Variants in TBC1D5 observed in about 807,000 individuals in gnomAD.
The protein encoded by TBC1D5 is TBC1 domain family member 5.
Under a neutral mutation model 100.3 loss-of-function variants are expected in TBC1D5, and 75 were observed. That is an observed-to-expected ratio of 0.75 (90% CI 0.62 to 0.91). The LOEUF (loss-of-function observed/expected upper bound fraction) is 0.91, where lower values mean the gene tolerates loss of function less well. TBC1D5 is among the 40% of genes least tolerant of loss of function. The probability of loss-of-function intolerance (pLI) is 0.00; values close to 1 mark genes in which losing one functional copy is unlikely to be tolerated. For missense variants in TBC1D5, 910 were observed against 942.4 expected (o/e 0.97, Z 0.45); for synonymous variants, 323 against 325.6 (o/e 0.99, Z 0.09).
At chr3:17,176,408 G>T (rs2067734794) in intron 19 of TBC1D5, among the ~76,000 whole-genome samples, 1 of 152,202 alleles carries the variant, frequency 6.6e-6, no homozygotes, top group Non-Finnish European at 1.5e-5. Flanking sequence ...GGGAAGGCTG[G>T]TAAGTTGGTA....
chr3:17,294,422 CTA>C (rs1001336563), intron 14 of TBC1D5, among the ~76,000 whole-genome samples: 3 of 152,082 alleles, frequency 2.0e-5, no homozygotes, highest in African/African-American at 4.8e-5. Flanking sequence ...CAAGCTCTTG[CTA>C]TGTTGCCAGG....
At chr3:17,248,710 A>C (rs981141250) in intron 16 of TBC1D5, among the ~76,000 whole-genome samples, 2 of 152,102 alleles carry the variant, frequency 1.3e-5, no homozygotes, top group African/African-American at 2.4e-5. Context: ...TTTTCTGAAC[A>C]GTAGGTCTCA....
At chr3:17,165,584 T>C (rs2066516543) in intron 21 of TBC1D5, among the ~76,000 whole-genome samples, 2 of 152,184 alleles carry the variant, frequency 1.3e-5, no homozygotes. Context: ...CCATGGAGTC[T>C]CTCTTCTGGA....
intron 2 of TBC1D5, among the ~76,000 whole-genome samples, chr3:17,549,178 G>A (rs920441012): frequency 6.6e-6 from 1 of 152,132 alleles, no homozygotes; most frequent in Non-Finnish European, 1.5e-5. Flanking sequence ...GCGCATGCCT[G>A]TAATCCCAGT....
At chr3:17,351,541 G>A (rs1168035450) in intron 13 of TBC1D5, among the ~76,000 whole-genome samples, 4 of 152,016 alleles carry the variant, frequency 2.6e-5, no homozygotes, top group Non-Finnish European at 5.9e-5. Context: ...AGAATATATG[G>A]GCACAGGGAG....
chr3:17,357,461 A>C (rs1475720876), intron 13 of TBC1D5, among the ~76,000 whole-genome samples: 2 of 152,210 alleles, frequency 1.3e-5, no homozygotes, highest in Admixed American at 1.3e-4. Context: ...AGGATTTGGC[A>C]CTGTTGTCAT....
intron 1 of TBC1D5, among the ~76,000 whole-genome samples, chr3:17,660,233 G>A (rs2066502786): frequency 6.6e-6 from 1 of 152,094 alleles, no homozygotes. Flanking sequence ...TAATAAAAAT[G>A]CAAAAAGAGA....
At chr3:17,540,932 A>AAT (rs2096348033) in intron 2 of TBC1D5, among the ~76,000 whole-genome samples, 1 of 146,218 alleles carries the variant, frequency 6.8e-6, no homozygotes, top group African/African-American at 2.5e-5. Context: ...AAAAAAAAAA[A>AAT]GTAAGAAAAG....
At position 17,543,870 on chromosome 3, in the gene TBC1D5, T is replaced by G. The variant is rs979343178; in HGVS notation, c.-35-35265A>C. On this transcript the variant is annotated intron_variant, in intron 2 of 21. Coordinates refer to ENST00000253692, the Ensembl canonical transcript of TBC1D5. ...ATGGGGCCTGAAAAGTTGTTTGTTT[T>G]TTTTTTCTTTTTTTTTGAGACAGAG... Among the ~76,000 whole-genome samples, 37 of 151,734 alleles carry G rather than the reference T, an allele frequency of 2.4e-4. No individual in the cohort carries two copies. The East Asian group carries it at 6.2e-3, about 26-fold the overall frequency.
chr3:17,233,626 G>A, intron 17 of TBC1D5, 59 bp downstream of exon 18: 1 of 985,014 alleles, frequency 1.0e-6, no homozygotes, highest in Non-Finnish European at 1.5e-6. Context: ...TTTTGGAGTA[G>A]GCAATGATAA....
At chr3:17,532,992 T>TAA (rs530910585) in intron 2 of TBC1D5, among the ~76,000 whole-genome samples, 8,889 of 140,822 alleles carry the variant, frequency 0.063, 552 homozygotes, top group African/African-American at 0.17. Flanking sequence ...ATAATAAAAT[T>TAA]AAAAAAAAAA....
At chr3:17,233,865 AAAG>A in intron 17 of TBC1D5, 115 bp from the exon 18 acceptor site, 1 of 556,722 alleles carries the variant, frequency 1.8e-6, no homozygotes, top group Non-Finnish European at 3.1e-6. Context: ...ATATAGTACA[AAAG>A]AAAATAATGC....
chr3:17,452,993 C>A (rs1453134399), intron 3 of TBC1D5, among the ~76,000 whole-genome samples: 1 of 147,120 alleles, frequency 6.8e-6, no homozygotes, highest in Non-Finnish European at 1.5e-5. Context: ...AACTACAAAT[C>A]AATAACAAGA....
intron 4 of TBC1D5, among the ~76,000 whole-genome samples, chr3:17,407,560 T>C (rs116496740): frequency 0.029 from 4,469 of 152,246 alleles, 219 homozygotes; most frequent in African/African-American, 0.1. Flanking sequence ...CAGTTGTCAC[T>C]GGCCAGACCC....
intron 13 of TBC1D5, among the ~76,000 whole-genome samples, chr3:17,352,744 T>C (rs1461855911): frequency 1.3e-5 from 2 of 150,962 alleles, no homozygotes; most frequent in Non-Finnish European, 3.0e-5. Context: ...CTTGCCCTTT[T>C]ATATGCTAAC....
At chr3:17,649,774 C>A (rs1170296886) in intron 1 of TBC1D5, among the ~76,000 whole-genome samples, 1 of 152,122 alleles carries the variant, frequency 6.6e-6, no homozygotes, top group Admixed American at 6.6e-5. Flanking sequence ...ACCATTTGAC[C>A]CAGCAATCCC....
intron 18 of TBC1D5, among the ~76,000 whole-genome samples, chr3:17,198,433 A>T (rs979025909): frequency 3.3e-5 from 5 of 152,242 alleles, no homozygotes; most frequent in Non-Finnish European, 5.9e-5. Context: ...CATAGAACAT[A>T]GGATTAAATT....
At chr3:17,516,405 A>G in intron 2 of TBC1D5, among the ~76,000 whole-genome samples, 1 of 152,204 alleles carries the variant, frequency 6.6e-6, no homozygotes, top group South Asian at 2.1e-4. Flanking sequence ...AATTCATGAA[A>G]GGAAAAATAT....
At chr3:17,215,264 T>C (rs2073489747) in intron 17 of TBC1D5, among the ~76,000 whole-genome samples, 1 of 152,088 alleles carries the variant, frequency 6.6e-6, no homozygotes, top group Non-Finnish European at 1.5e-5. Context: ...CAATTTTTGC[T>C]AACGCAAAAA....
Sources: gnomAD v4.1 joint callset for allele counts (sites outside exome capture counted in the v4.1 genomes callset) on GRCh38, gnomAD v4.1.1 for gene constraint, MANE v1.5 for transcripts, NCBI Gene and HGNC (gene_info 2026-07-23, HGNC 2026-07-21) for gene names.